The following PRIM2 variants were observed in gnomAD, a reference collection of about 807,000 sequenced individuals.
PRIM2 encodes DNA primase large subunit.
In PRIM2, 39 loss-of-function variants were observed where a neutral mutation model predicts 67.3. That is an observed-to-expected ratio of 0.58 (90% CI 0.45 to 0.76). The LOEUF (loss-of-function observed/expected upper bound fraction) is 0.76, where lower values mean the gene tolerates loss of function less well. Among genes scored for constraint, PRIM2 ranks in the 30% least tolerant of loss-of-function variants. PRIM2 has a pLI of 0.00. For synonymous variants in PRIM2, 143 were observed against 198.7 expected, an observed-to-expected ratio of 0.72 and a Z score of 2.36; for missense variants, 398 against 598.7, an observed-to-expected ratio of 0.66 and a Z score of 3.50.
intron 7 of PRIM2, among the ~76,000 whole-genome samples, chr6:57,431,842 C>A (rs1248506742): frequency 1.3e-5 from 2 of 152,062 alleles, no homozygotes; most frequent in Non-Finnish European, 2.9e-5. Flanking sequence ...ATGAAGATAA[C>A]ATTGTTTCAT....
chr6:57,489,722 C>T (rs1465303533), intron 7 of PRIM2, among the ~76,000 whole-genome samples: 1 of 152,278 alleles, frequency 6.6e-6, no homozygotes, highest in Non-Finnish European at 1.5e-5. Flanking sequence ...TTAATATAGG[C>T]TGTTGGCTCC....
rs1172690827 is a variant in PRIM2, at chr6:57,564,369, G to A, written c.1020+26744G>A. On this transcript the variant is annotated intron_variant, in intron 10 of 13. Coordinates refer to ENST00000615550, the MANE Select transcript of PRIM2 (RefSeq NM_000947.5). Reference sequence around the variant, plus strand: ...AAATTCCAGCCTTGTATGTGTATGTGTTCCTTTCTCTTTCCCTCCCCAAAT... The same window carrying A: ...AAATTCCAGCCTTGTATGTGTATGTATTCCTTTCTCTTTCCCTCCCCAAAT... Among the ~76,000 whole-genome samples, 5 of 152,300 alleles carry A rather than the reference G, an allele frequency of 3.3e-5. 1 individual carries two copies. The South Asian group carries it at 1.0e-3, about 32-fold the overall frequency.
At chr6:57,432,539 A>G (rs1388563120) in intron 7 of PRIM2, among the ~76,000 whole-genome samples, 2 of 104,952 alleles carry the variant, frequency 1.9e-5, no homozygotes, top group Non-Finnish European at 3.9e-5. Flanking sequence ...AAGTGTTTGC[A>G]CTTTAAAAAA....
the PRIM2 span, among the ~76,000 whole-genome samples, chr6:57,305,014 A>G: frequency 1.3e-5 from 2 of 152,304 alleles, no homozygotes; most frequent in South Asian, 4.1e-4. Context: ...CTCAACATTG[A>G]TCTTCAAGTA....
chr6:57,374,303 A>ATTTATTTATTTT (rs1554331462), intron 5 of PRIM2, among the ~76,000 whole-genome samples: 3,598 of 139,298 alleles, frequency 0.026, 73 homozygotes, highest in African/African-American at 0.056. Context: ...TTATTTATTT[A>ATTTATTTATTTT]TTTTTTTTGA....
chr6:57,571,307 G>A (rs1261808231), intron 10 of PRIM2, among the ~76,000 whole-genome samples: 19 of 152,040 alleles, frequency 1.2e-4, no homozygotes, highest in Non-Finnish European at 2.1e-4. Flanking sequence ...TAAGAATTAT[G>A]TTTTTTCCTC....
intron 7 of PRIM2, among the ~76,000 whole-genome samples, chr6:57,423,903 C>T (rs1771540066): frequency 6.6e-6 from 1 of 152,136 alleles, no homozygotes. Context: ...TCTTTTGGCT[C>T]TGTTTGAAGC....
intron 9 of PRIM2, among the ~76,000 whole-genome samples, chr6:57,534,352 A>T (rs1451222863): frequency 3.9e-5 from 6 of 151,986 alleles, no homozygotes; most frequent in Non-Finnish European, 7.4e-5. Context: ...ACACCTAGCT[A>T]ATGGTCTTGT....
At chr6:57,519,439 T>C (rs1774563610) in intron 8 of PRIM2, among the ~76,000 whole-genome samples, 3 of 152,204 alleles carry the variant, frequency 2.0e-5, no homozygotes, top group East Asian at 3.8e-4. Context: ...AGGCACGCAT[T>C]CTCTTTCTCA....
the PRIM2 span, among the ~76,000 whole-genome samples, chr6:57,240,402 G>A: frequency 1.3e-5 from 2 of 152,078 alleles, no homozygotes. Context: ...CGCCTGGCCA[G>A]GGTCAAGAAT....
intron 7 of PRIM2, among the ~76,000 whole-genome samples, chr6:57,504,067 T>A (rs1472631318): frequency 1.3e-5 from 2 of 152,220 alleles, no homozygotes; most frequent in Non-Finnish European, 2.9e-5. Flanking sequence ...GGTGAAGGCT[T>A]CTGGCCATGC....
intron 8 of PRIM2, among the ~76,000 whole-genome samples, chr6:57,530,633 A>T (rs1231690855): frequency 6.6e-6 from 1 of 152,006 alleles, no homozygotes; most frequent in Non-Finnish European, 1.5e-5. Flanking sequence ...TAGTCTACTC[A>T]TCCTGCTCTC....
intron 10 of PRIM2, among the ~76,000 whole-genome samples, chr6:57,565,144 T>C (rs1458775596): frequency 3.3e-5 from 5 of 152,216 alleles, no homozygotes; most frequent in Non-Finnish European, 4.4e-5. Context: ...CATAATAGTT[T>C]ATGAAACAAG....
chr6:57,532,307 A>G (rs1287090686), intron 8 of PRIM2, 104 bp from the exon 9 acceptor site: 3 of 472,662 alleles, frequency 6.3e-6, no homozygotes, highest in Non-Finnish European at 1.1e-5. Flanking sequence ...TACATGTAAA[A>G]TGCTTTCTTA....
At chr6:57,222,966 T>A in the PRIM2 span, among the ~76,000 whole-genome samples, 2 of 152,172 alleles carry the variant, frequency 1.3e-5, no homozygotes, top group Non-Finnish European at 2.9e-5. Context: ...GAGAAACGAA[T>A]ACTTAGGGTG....
chr6:57,323,447 G>C (rs1767730417), intron 3 of PRIM2, among the ~76,000 whole-genome samples: 1 of 152,112 alleles, frequency 6.6e-6, no homozygotes, highest in South Asian at 2.1e-4. Context: ...GGGTTGGTGG[G>C]AAGAAAATAG....
At chr6:57,513,961 G>T (rs1705654354) in intron 8 of PRIM2, among the ~76,000 whole-genome samples, 2 of 152,162 alleles carry the variant, frequency 1.3e-5, no homozygotes, top group East Asian at 3.8e-4. Flanking sequence ...GAATGAATTA[G>T]AAATCAAACA....
intron 12 of PRIM2, among the ~76,000 whole-genome samples, chr6:57,610,076 T>A (rs1365620081): frequency 2.0e-5 from 3 of 152,194 alleles, no homozygotes; most frequent in African/African-American, 4.8e-5. Context: ...GATGTTTTTT[T>A]AAAATTTTTG....
chr6:57,223,401 T>C, the PRIM2 span, among the ~76,000 whole-genome samples: 3 of 152,206 alleles, frequency 2.0e-5, no homozygotes, highest in African/African-American at 7.2e-5. Context: ...TAGTTATAAA[T>C]GCGTGTCCAT....
Sources: gnomAD v4.1 joint callset for allele counts (sites outside exome capture counted in the v4.1 genomes callset) on GRCh38, gnomAD v4.1.1 for gene constraint, MANE v1.5 for transcripts, NCBI Gene and HGNC (gene_info 2026-07-23, HGNC 2026-07-21) for gene names.